Variants in IL4R observed in about 807,000 individuals in gnomAD.
The protein encoded by IL4R is interleukin 4 receptor.
IL4R carries 17 observed loss-of-function variants against 41.5 expected under a neutral mutation model. The ratio of observed to expected loss-of-function variants is 0.41; its 90% confidence interval spans 0.28 to 0.61. The LOEUF (loss-of-function observed/expected upper bound fraction) is 0.61. IL4R is among the 20% of genes least tolerant of loss of function. IL4R has a pLI of 0.31. For synonymous variants in IL4R, 402 were observed against 422.9 expected, an observed-to-expected ratio of 0.95 and a Z score of 0.61; for missense variants, 974 against 1,043.1, an observed-to-expected ratio of 0.93 and a Z score of 0.91.
Position 27,345,204 on chromosome 16 carries a change from G to T in IL4R, c.361+184G>T, listed in dbSNP as rs1170058475. 3 of 747,928 alleles carry T rather than the reference G, an allele frequency of 4.0e-6. No homozygotes were observed. Among genetic ancestry groups the T allele is most frequent in the South Asian group, 2.9e-5 (2 of 67,812 alleles). The allele number at this position is 747,928 out of a possible 1,614,324, so 46.3% of individuals were successfully genotyped here. Reference sequence around the variant, plus strand: ...CCTCAGTCCTCCCACCTTTGAAACGGAGCTGGTCGCAGTAGACCACCAAGC... The same window carrying T: ...CCTCAGTCCTCCCACCTTTGAAACGTAGCTGGTCGCAGTAGACCACCAAGC... On this transcript the variant is annotated intron_variant, in intron 5 of 10. Transcript: ENST00000395762. This position sits in a 1 kb window ranked among gnomAD's most constrained non-coding sequence, Gnocchi z 4.5.
intron 1 of IL4R, among the ~76,000 whole-genome samples, chr16:27,319,581 G>A (rs1174473061): frequency 1.3e-5 from 2 of 152,158 alleles, no homozygotes; most frequent in African/African-American, 4.8e-5. Flanking sequence ...CGCAGGACTG[G>A]TTCCTCCAAG....
chr16:27,326,455 G>T (rs1336917977), intron 1 of IL4R, among the ~76,000 whole-genome samples: 1 of 152,080 alleles, frequency 6.6e-6, no homozygotes, highest in Non-Finnish European at 1.5e-5. Flanking sequence ...AGCTATGATT[G>T]TGCCATAGCA....
At chr16:27,326,615 G>A (rs7187232) in intron 1 of IL4R, among the ~76,000 whole-genome samples, 7,561 of 152,242 alleles carry the variant, frequency 0.05, 601 homozygotes, top group African/African-American at 0.16. Flanking sequence ...GCACTGAGCC[G>A]TGACGGTGCG....
At chr16:27,331,671 G>A (rs2085115119) in intron 2 of IL4R, among the ~76,000 whole-genome samples, 1 of 152,066 alleles carries the variant, frequency 6.6e-6, no homozygotes, top group African/African-American at 2.4e-5. Context: ...GTTGCACACT[G>A]CACTTAGATC....
At chr16:27,348,659 T>A (rs925968624) in intron 6 of IL4R, among the ~76,000 whole-genome samples, 1 of 152,200 alleles carries the variant, frequency 6.6e-6, no homozygotes, top group African/African-American at 2.4e-5. Context: ...TGCTGCTCAG[T>A]GGCCTGGCTT....
chr16:27,352,580 G>A lies in IL4R; in HGVS notation c.554G>A (p.Arg185His), dbSNP rs150955128. Residue 185 changes from arginine to histidine, a missense_variant, in exon 7 of 11, where the codon CGC (arginine) becomes CAC (histidine). Physicochemically the swap from Arg to His is conservative, Grantham distance 29 (BLOSUM62 0). Around this residue, in one of 3 missense-constraint regions of IL4R, gnomAD observed 284 missense variants for 313.4 expected, o/e 0.91. Transcript: ENST00000395762. ...GTGACCTACCTAGAACCCTCCCTCC[G>A]CATCGCAGCCAGCACCCTGAAGTCT... The part of the protein sequence containing the change: ...YNVTYLEPSL[R>H]IAASTLKSGI... 3.9e-3 allele frequency: 6,362 copies of A among 1,614,114 alleles called. 348 individuals are homozygous for A. In the Admixed American group the frequency reaches 0.098, roughly 25 times the overall value.
intron 10 of IL4R, among the ~76,000 whole-genome samples, chr16:27,361,173 CTG>C (rs112830303): frequency 0.13 from 19,423 of 151,980 alleles, 2,119 homozygotes; most frequent in African/African-American, 0.3. Context: ...GGATCTCACT[CTG>C]TGGCCCAGGC....
At chr16:27,325,795 C>T (rs2084941557) in intron 1 of IL4R, among the ~76,000 whole-genome samples, 1 of 152,026 alleles carries the variant, frequency 6.6e-6, no homozygotes, top group Non-Finnish European at 1.5e-5. Flanking sequence ...ATAAAGAAAC[C>T]TGACCCTCTA....
intron 9 of IL4R, 78 bp downstream of exon 9, chr16:27,359,072 G>A: frequency 1.9e-6 from 2 of 1,066,444 alleles, no homozygotes; most frequent in East Asian, 2.5e-5. Context: ...GGCTGTTAAG[G>A]ACCTTCACTG....
intron 3 of IL4R, chr16:27,340,989 G>A (rs1235672134): frequency 8.1e-6 from 4 of 493,560 alleles, no homozygotes; most frequent in Non-Finnish European, 1.6e-5. Flanking sequence ...GTGAAGGTCA[G>A]CAAGGTGACA....
Position 27,363,036 on chromosome 16 carries a change from G to A in IL4R, c.1684G>A (p.Gly562Arg), listed in dbSNP as rs751047293. Reference protein sequence around the residue: ...QILRRNVLQHGAAAAPVSAPT... With the variant: ...QILRRNVLQHRAAAAPVSAPT... ...CCTCCGCCGAAATGTCCTCCAGCAT[G>A]GGGCAGCTGCAGCCCCCGTCTCGGC... Residue 562 changes from glycine to arginine, a missense_variant, in exon 11 of 11, where the codon GGG (glycine) becomes AGG (arginine). Gly to Arg is a moderately radical substitution (Grantham distance 125). Transcript: ENST00000395762. The A allele has an allele frequency of 1.3e-5, 21 of 1,614,134 alleles. 2 individuals are homozygous for A. The Middle Eastern group carries it at 8.2e-4, about 63-fold the overall frequency.
Position 27,355,825 on chromosome 16 carries a change from G to A in IL4R, c.688G>A (p.Glu230Lys), listed in dbSNP as rs1485455611. 4.3e-6 allele frequency: 7 copies of A among 1,613,070 alleles called. No individual in the cohort carries two copies. The highest frequency in any genetic ancestry group is 2.2e-5 in the South Asian group (2 of 91,056). The stretch of plus-strand genomic sequence containing the variant: ...ACTTCCAGCCTACAGGGAGCCCTTC[G>A]AGCAGCACCTCCTGCTGGGCGTCAG... ...KWHNSYREPF[E>K]QHLLLGVSVS... The change falls in exon 8 of 11, where the codon GAG becomes AAG. Residue 230 changes from glutamate to lysine, a missense_variant. Coordinates refer to ENST00000395762, the MANE Select transcript of IL4R (RefSeq NM_000418.4).
Position 27,348,526 on chromosome 16 carries a change from T to C in IL4R, c.513+1908T>C, listed in dbSNP as rs569341737. On this transcript the variant is annotated intron_variant, in intron 6 of 10. Coordinates refer to ENST00000395762, the MANE Select transcript of IL4R (RefSeq NM_000418.4). ...TGCTTTATTCTGTACTGGCTTCGTTTTTAGGCAGGCTCTTCCCTCATGTAG... is the reference window on the plus strand; with the variant it reads ...TGCTTTATTCTGTACTGGCTTCGTTCTTAGGCAGGCTCTTCCCTCATGTAG... Among the ~76,000 whole-genome samples, 25 of 152,382 alleles carry C rather than the reference T, an allele frequency of 1.6e-4. No individual in the cohort carries two copies. The South Asian group carries it at 5.0e-3, about 30-fold the overall frequency.
chr16:27,360,200 G>T (rs1596540420), intron 9 of IL4R, among the ~76,000 whole-genome samples: 2 of 152,314 alleles, frequency 1.3e-5, no homozygotes, highest in Middle Eastern at 6.8e-3. Flanking sequence ...TTTTAATAGA[G>T]ATGGGGTTTC....
intron 1 of IL4R, among the ~76,000 whole-genome samples, chr16:27,323,473 C>T (rs2084870449): frequency 1.3e-5 from 2 of 152,184 alleles, no homozygotes; most frequent in Non-Finnish European, 2.9e-5. Context: ...CTGTGCTGTG[C>T]ACTCCAGAGC....
At chr16:27,354,700 G>C (rs940340786) in intron 7 of IL4R, among the ~76,000 whole-genome samples, 1 of 152,202 alleles carries the variant, frequency 6.6e-6, no homozygotes, top group Non-Finnish European at 1.5e-5. Context: ...GAGGAGTAAG[G>C]GCTGTCGTAA....
chr16:27,349,365 C>A (rs916964042), intron 6 of IL4R, among the ~76,000 whole-genome samples: 3 of 152,166 alleles, frequency 2.0e-5, no homozygotes, highest in African/African-American at 7.2e-5. Context: ...ACATTAGGAA[C>A]TTACTATAGA....
rs941686556 is a variant in IL4R at position 27,345,961 on chromosome 16, G to T, written c.362-506G>T. Reference sequence around the variant, plus strand: ...CCCTCCAGCCTGGGCGACAGAGTGAGATTACGTCTCAAAAAAATAAAAATA... The same window carrying T: ...CCCTCCAGCCTGGGCGACAGAGTGATATTACGTCTCAAAAAAATAAAAATA... On this transcript the variant is annotated intron_variant, in intron 5 of 10. Transcript: ENST00000395762. The surrounding 1 kb of genome is among the most constrained non-coding windows in gnomAD (Gnocchi z 4.5). Among the ~76,000 whole-genome samples the T allele has an allele frequency of 1.1e-4, 16 of 152,248 alleles. No individual in the cohort carries two copies. The highest frequency in any genetic ancestry group is 9.8e-4 in the Admixed American group (15 of 15,286).
intron 6 of IL4R, among the ~76,000 whole-genome samples, chr16:27,352,047 T>C (rs918405691): frequency 1.3e-5 from 2 of 152,190 alleles, no homozygotes; most frequent in African/African-American, 4.8e-5. Context: ...CTGCCAGTCC[T>C]TTAGAAAGAT....
Sources: gnomAD v4.1 joint callset for allele counts (sites outside exome capture counted in the v4.1 genomes callset) on GRCh38, gnomAD v4.1.1 for gene constraint, gnomAD v4.1.1 regional missense constraint, Gnocchi (gnomAD v3.1) non-coding constraint, MANE v1.5 for transcripts, NCBI Gene and HGNC (gene_info 2026-07-23, HGNC 2026-07-21) for gene names.